The following CDH13 variants were observed in gnomAD, a reference collection of about 807,000 sequenced individuals.
CDH13 encodes cadherin-13.
CDH13 carries 24 observed loss-of-function variants against 63.8 expected under a neutral mutation model. The observed-to-expected ratio is 0.38, with a 90% CI of 0.27 to 0.53. The LOEUF is 0.53. CDH13 is among the 20% of genes least tolerant of loss of function. The pLI, the probability that CDH13 is intolerant of heterozygous loss-of-function variation, is 0.85. For synonymous variants in CDH13, 503 were observed against 355.3 expected, an observed-to-expected ratio of 1.42 and a Z score of -4.67; for missense variants, 1,049 against 903.1, an observed-to-expected ratio of 1.16 and a Z score of -2.07.
chr16:82,733,094 CAA>C lies in CDH13; in HGVS notation c.45+105959_45+105960del, dbSNP rs775371320. On this transcript the variant is annotated intron_variant, in intron 1 of 13. Coordinates refer to ENST00000567109, the MANE Select transcript of CDH13 (RefSeq NM_001257.5). ...GGGTAATTGTGCCTATCGATTGTGA[CAA>C]AGTCTTCAAGCATGAGGCAGAGAAG... 1.4e-4 allele frequency among the ~76,000 whole-genome samples: 21 copies of C among 152,294 alleles called. 1 individual carries two copies. The highest frequency in any genetic ancestry group is 3.6e-4 in the African/African-American group (15 of 41,570).
intron 1 of CDH13, among the ~76,000 whole-genome samples, chr16:82,801,999 C>T (rs56154393): frequency 0.026 from 3,897 of 152,232 alleles, 64 homozygotes; most frequent in Non-Finnish European, 0.038. Context: ...GTAATGTCAC[C>T]TCCATGGGCG....
intron 1 of CDH13, among the ~76,000 whole-genome samples, chr16:82,784,763 A>G (rs1385919461): frequency 6.6e-6 from 1 of 152,136 alleles, no homozygotes; most frequent in African/African-American, 2.4e-5. Context: ...AAACTGGCAA[A>G]AAGAAAGCAA....
intron 6 of CDH13, among the ~76,000 whole-genome samples, chr16:83,449,050 G>C (rs575113602): frequency 1.1e-3 from 168 of 152,302 alleles, no homozygotes; most frequent in African/African-American, 3.9e-3. Context: ...GCTAGTTTTA[G>C]ACTCGAGAAT....
chr16:83,116,446 G>C (rs191171819), intron 3 of CDH13, among the ~76,000 whole-genome samples: 218 of 152,310 alleles, frequency 1.4e-3, no homozygotes, highest in Non-Finnish European at 2.7e-3. Flanking sequence ...AAGCCAGGGG[G>C]CTGACCTTGA....
At chr16:83,680,237 G>A (rs865872743) in intron 10 of CDH13, among the ~76,000 whole-genome samples, 7 of 152,138 alleles carry the variant, frequency 4.6e-5, no homozygotes, top group East Asian at 1.9e-4. Context: ...AGTGTCACTC[G>A]GCCCATGGTC....
rs79057376 is a variant in CDH13, at chr16:83,356,675, A to G, written c.781+11669A>G. ...TTAAAGCCCTGAATAATTTATGTATAGAATCACCTCCCTTCTTAACCAAAT... is the reference window on the plus strand; with the variant it reads ...TTAAAGCCCTGAATAATTTATGTATGGAATCACCTCCCTTCTTAACCAAAT... On this transcript the variant is annotated intron_variant, in intron 6 of 13. Transcript: ENST00000567109. 6.9e-3 allele frequency among the ~76,000 whole-genome samples: 1,057 copies of G among 152,300 alleles called. 13 individuals are homozygous for G. Among genetic ancestry groups the G allele is most frequent in the African/African-American group, 0.024 (1,009 of 41,564 alleles).
intron 6 of CDH13, among the ~76,000 whole-genome samples, chr16:83,471,544 G>A (rs951725175): frequency 6.6e-6 from 1 of 152,178 alleles, no homozygotes; most frequent in African/African-American, 2.4e-5. Context: ...AAAGTGCTGG[G>A]ATTACAGGCG....
chr16:82,745,212 G>T (rs143186865), intron 1 of CDH13, among the ~76,000 whole-genome samples: 1 of 152,272 alleles, frequency 6.6e-6, no homozygotes, highest in Non-Finnish European at 1.5e-5. Context: ...TGTGCGTGGG[G>T]CGATGCCATT....
chr16:83,435,478 C>T (rs1490641802), intron 6 of CDH13, among the ~76,000 whole-genome samples: 1 of 152,140 alleles, frequency 6.6e-6, no homozygotes, highest in African/African-American at 2.4e-5. Flanking sequence ...GTGGTCCAGC[C>T]CTGCTGCCTC....
chr16:82,840,825 A>C (rs2038980170), intron 1 of CDH13, among the ~76,000 whole-genome samples: 1 of 152,192 alleles, frequency 6.6e-6, no homozygotes, highest in Non-Finnish European at 1.5e-5. Flanking sequence ...TTTCATTGTA[A>C]CACAAATGAC....
At chr16:83,424,190 A>G (rs561640133) in intron 6 of CDH13, among the ~76,000 whole-genome samples, 19 of 151,996 alleles carry the variant, frequency 1.3e-4, no homozygotes, top group Admixed American at 1.2e-3. Flanking sequence ...CACGTACTGA[A>G]CAGTCTAGAA....
intron 5 of CDH13, among the ~76,000 whole-genome samples, chr16:83,259,904 C>G (rs921045001): frequency 2.6e-5 from 4 of 152,088 alleles, no homozygotes; most frequent in Non-Finnish European, 4.4e-5. Context: ...GGGAGAAATT[C>G]AGATTGCTCA....
intron 2 of CDH13, among the ~76,000 whole-genome samples, chr16:82,904,275 C>G (rs1047249635): frequency 6.6e-6 from 1 of 152,128 alleles, no homozygotes; most frequent in Admixed American, 6.5e-5. Context: ...CTGCACAGAA[C>G]GGAAATGTTT....
chr16:82,949,767 C>G (rs1283087336), intron 2 of CDH13, among the ~76,000 whole-genome samples: 1 of 152,100 alleles, frequency 6.6e-6, no homozygotes, highest in Non-Finnish European at 1.5e-5. Flanking sequence ...CTAAGGGCAT[C>G]TCCTTGGTTT....
intron 6 of CDH13, among the ~76,000 whole-genome samples, chr16:83,381,740 AGAGG>A (rs1325401751): frequency 6.6e-6 from 1 of 152,110 alleles, no homozygotes; most frequent in South Asian, 2.1e-4. Flanking sequence ...AAAAGTACCA[AGAGG>A]ATAAACACCT....
intron 7 of CDH13, among the ~76,000 whole-genome samples, chr16:83,599,738 G>A (rs1369513999): frequency 6.6e-6 from 1 of 152,102 alleles, no homozygotes; most frequent in Non-Finnish European, 1.5e-5. Flanking sequence ...AAAATAATAT[G>A]ATATTTACCA....
chr16:83,048,088 T>A (rs753172199), intron 3 of CDH13, among the ~76,000 whole-genome samples: 9 of 152,124 alleles, frequency 5.9e-5, no homozygotes, highest in Admixed American at 1.3e-4. Flanking sequence ...TCCAAAAGGG[T>A]TAAAATATAA....
In CDH13 at chr16:82,824,971, GA is replaced by G. The variant is rs1340705374; in HGVS notation, c.46-33390del. The G allele has an allele frequency of 2.1e-4, 32 of 151,326 alleles. 2 individuals carry two copies. The highest frequency in any genetic ancestry group is 7.4e-4 in the African/African-American group (30 of 40,634). The allele number at this position is 151,326 out of a possible 1,614,324, so 9.4% of individuals were successfully genotyped here. A position where few individuals can be genotyped will look rare whatever the true frequency, so the allele number is the denominator to read the frequency against. ...TACAGATACCTTCTAAATATTTATAGATGAAATCATATGATATCTAGAATTT... is the reference window on the plus strand; with the variant it reads ...TACAGATACCTTCTAAATATTTATAGTGAAATCATATGATATCTAGAATTT... On this transcript the variant is annotated intron_variant, in intron 1 of 13. Coordinates refer to ENST00000567109, the MANE Select transcript of CDH13 (RefSeq NM_001257.5).
At chr16:82,903,578 G>C (rs1411599440) in intron 2 of CDH13, among the ~76,000 whole-genome samples, 1 of 151,874 alleles carries the variant, frequency 6.6e-6, no homozygotes, top group Non-Finnish European at 1.5e-5. Context: ...CATCCTTTTT[G>C]TTTTATTCTG....
Sources: allele counts gnomAD v4.1 joint callset (sites outside exome capture counted in the v4.1 genomes callset), GRCh38; gene constraint gnomAD v4.1.1; transcripts MANE v1.5; gene names NCBI Gene and HGNC (gene_info 2026-07-23, HGNC 2026-07-21).